Variants in RINT1 observed in about 807,000 individuals in gnomAD.
The protein encoded by RINT1 is RAD50 interactor 1.
A neutral mutation model predicts 97.7 loss-of-function variants in RINT1; 75 were observed. That is an observed-to-expected ratio of 0.77 (90% CI 0.64 to 0.93). The LOEUF (loss-of-function observed/expected upper bound fraction) is 0.93, where lower values mean the gene tolerates loss of function less well. Ranked by LOEUF, RINT1 falls within the 40% of genes least tolerant of loss-of-function variation. The probability of loss-of-function intolerance (pLI) is 0.00; values close to 1 mark genes in which losing one functional copy is unlikely to be tolerated. For missense variants in RINT1, 892 were observed against 925.2 expected (o/e 0.96, Z 0.47); for synonymous variants, 303 against 326.3 (o/e 0.93, Z 0.77).
At chr7:105,548,300 G>T (rs1446125805) in intron 6 of RINT1, among the ~76,000 whole-genome samples, 2 of 152,156 alleles carry the variant, frequency 1.3e-5, no homozygotes, top group East Asian at 3.8e-4. Context: ...CTCCCAAAGT[G>T]CTGGGATTAC....
chr7:105,548,613 C>G lies in RINT1; in HGVS notation c.899C>G (p.Pro300Arg). 1 of 1,614,160 alleles carries G rather than the reference C, an allele frequency of 6.2e-7. No individual in the cohort carries two copies. Among genetic ancestry groups the G allele is most frequent in the Non-Finnish European group, 8.5e-7 (1 of 1,179,996 alleles). The change falls in exon 7 of 15, where the codon CCT (proline) becomes CGT (arginine). Residue 300 changes from proline to arginine, a missense_variant. Physicochemically the swap from Pro to Arg is moderately radical, Grantham distance 103. Transcript: ENST00000257700. ...LPEKYSLPAS[P>R]SVILPIQVML... Reference sequence around the variant, plus strand: ...GAAAAATACTCTCTTCCTGCCTCCCCTTCTGTCATCCTGCCCATCCAGGTT... The same window carrying G: ...GAAAAATACTCTCTTCCTGCCTCCCGTTCTGTCATCCTGCCCATCCAGGTT...
chr7:105,559,540 C>CAAAAAAAAAAA (rs60718751), intron 11 of RINT1, among the ~76,000 whole-genome samples: 2 of 59,016 alleles, frequency 3.4e-5, no homozygotes, highest in African/African-American at 6.3e-5. Flanking sequence ...GACTCTGTCT[C>CAAAAAAAAAAA]AAAAAAAAAA....
chr7:105,550,692 A>G (rs1475490076), intron 9 of RINT1, among the ~76,000 whole-genome samples: 1 of 152,146 alleles, frequency 6.6e-6, no homozygotes, highest in Non-Finnish European at 1.5e-5. Context: ...ACATATTTCT[A>G]GAGTGGAATA....
At chr7:105,560,595 A>C (rs977403275) in intron 11 of RINT1, among the ~76,000 whole-genome samples, 1 of 152,200 alleles carries the variant, frequency 6.6e-6, no homozygotes, top group African/African-American at 2.4e-5. Context: ...TATCCATGAA[A>C]TCTTTGGGAG....
At chr7:105,546,387 T>C (rs1228283954) in intron 4 of RINT1, among the ~76,000 whole-genome samples, 1 of 152,042 alleles carries the variant, frequency 6.6e-6, no homozygotes, top group Non-Finnish European at 1.5e-5. Context: ...CTGCTGCTCT[T>C]AGAAGAATGC....
chr7:105,566,843 T>G (rs1057106949), intron 14 of RINT1: 1 of 207,430 alleles, frequency 4.8e-6, no homozygotes, highest in Non-Finnish European at 9.5e-6. Flanking sequence ...TATAGCTATA[T>G]TTAATATAGT....
Position 105,532,209 on chromosome 7 carries a change from C to A in RINT1, c.-107C>A. 2 of 1,246,246 alleles carry A rather than the reference C, an allele frequency of 1.6e-6. No homozygotes were observed. The highest frequency in any genetic ancestry group is 2.2e-6 in the Non-Finnish European group (2 of 904,492). 77.2% of individuals were successfully genotyped at this position (1,246,246 alleles called of 1,614,324 possible). ...ATCGAGAGGAAGTCGCTGTGGCACT[C>A]AGTCCTACGGCCTCCGAGGCTGGGT... On this transcript the variant is annotated 5_prime_UTR_variant, in exon 1 of 15. Coordinates refer to ENST00000257700, the MANE Select transcript of RINT1 (RefSeq NM_021930.6).
intron 11 of RINT1, among the ~76,000 whole-genome samples, chr7:105,560,147 G>T (rs945102626): frequency 6.6e-6 from 1 of 152,148 alleles, no homozygotes; most frequent in African/African-American, 2.4e-5. Flanking sequence ...GGCCACAGGT[G>T]GTTCCAGGCT....
At chr7:105,546,495 T>A (rs533675349) in intron 4 of RINT1, among the ~76,000 whole-genome samples, 5 of 152,346 alleles carry the variant, frequency 3.3e-5, no homozygotes, top group Middle Eastern at 3.4e-3. Flanking sequence ...TGGTGCTTCA[T>A]TCTTCCTTGG....
intron 11 of RINT1, among the ~76,000 whole-genome samples, chr7:105,559,534 C>CT (rs1486719724): frequency 1.1e-5 from 1 of 92,454 alleles, no homozygotes; most frequent in Non-Finnish European, 1.9e-5. Flanking sequence ...GAGCAAGACT[C>CT]TGTCTCAAAA....
chr7:105,548,645 A>T lies in RINT1; in HGVS notation c.931A>T (p.Thr311Ser). 6.2e-7 allele frequency: 1 copy of T among 1,613,980 alleles called. No individual in the cohort carries two copies. The highest frequency in any genetic ancestry group is 8.5e-7 in the Non-Finnish European group (1 of 1,179,970). Residue 311 changes from threonine to serine, a missense_variant, in exon 7 of 15, where the codon ACT becomes TCT. Thr to Ser is a moderately conservative substitution (Grantham distance 58). Transcript: ENST00000257700. ...SVILPIQVML[T>S]PLQKRFRYHF... ...CATCCTGCCCATCCAGGTTATGCTG[A>T]CTCCTCTTCAGAAGAGGTTCAGGTA...
chr7:105,547,238 A>G lies in RINT1; in HGVS notation c.744A>G (p.Gln248=), dbSNP rs1355408724. 9 of 1,614,034 alleles carry G rather than the reference A, an allele frequency of 5.6e-6. No homozygotes were observed. The highest frequency in any genetic ancestry group is 1.6e-4 in the Middle Eastern group (1 of 6,084). ...ATTGGCCATTCATCGCACCCCCTCA[A>G]TCACAAACTGTTGGCTTAAGTCGAC... ...QLHWPFIAPP[Q]SQTVGLSRPA... The change falls in exon 6 of 15, where the codon CAA becomes CAG. Residue 248 remains glutamine, a synonymous_variant. Transcript: ENST00000257700.
chr7:105,544,155 A>G (rs533230164), intron 4 of RINT1, among the ~76,000 whole-genome samples: 1 of 152,106 alleles, frequency 6.6e-6, no homozygotes, highest in African/African-American at 2.4e-5. Context: ...GAGGAGTTTT[A>G]CATATAAAGT....
At chr7:105,537,215 C>G (rs1790277055) in intron 3 of RINT1, among the ~76,000 whole-genome samples, 1 of 150,218 alleles carries the variant, frequency 6.7e-6, no homozygotes, top group Non-Finnish European at 1.5e-5. Context: ...ACTGCAACCT[C>G]TGCCTCCCAG....
At chr7:105,532,795 TG>T (rs1562837023) in intron 1 of RINT1, 28 bp from the exon 2 acceptor site, 1 of 1,613,352 alleles carries the variant, frequency 6.2e-7, no homozygotes, top group South Asian at 1.1e-5. Flanking sequence ...TTAATCTTAA[TG>T]TGCTTGTCAC....
chr7:105,565,000 A>C (rs1179115960), intron 12 of RINT1: 2 of 279,728 alleles, frequency 7.1e-6, no homozygotes, highest in Non-Finnish European at 1.3e-5. Flanking sequence ...AAATGCAAAA[A>C]TTAAGTGACA....
intron 11 of RINT1, among the ~76,000 whole-genome samples, chr7:105,557,368 T>C (rs1483679043): frequency 2.6e-5 from 4 of 152,164 alleles, no homozygotes; most frequent in Admixed American, 2.6e-4. Flanking sequence ...TTCCATAGTA[T>C]AACAGGGAAA....
rs1220621637 is a variant in RINT1 at position 105,542,403 on chromosome 7, G to T, written c.274-5G>T. 6.3e-7 allele frequency: 1 copy of T among 1,582,636 alleles called. No individual in the cohort carries two copies. Among genetic ancestry groups the T allele is most frequent in the East Asian group, 2.2e-5 (1 of 44,676 alleles). ...TCTTTCTTTCTTTTTTAAAATTATG[G>T]TCAGGTACTTACAATTTCATCAGAA... On this transcript the variant is annotated splice_polypyrimidine_tract_variant and splice_region_variant and intron_variant, in intron 3 of 14. Transcript: ENST00000257700.
At chr7:105,535,610 T>TA (rs1790200734) in intron 2 of RINT1, 1 of 454,250 alleles carries the variant, frequency 2.2e-6, no homozygotes, top group Non-Finnish European at 4.4e-6. Flanking sequence ...TGGAATGTAG[T>TA]AGTGAGATCA....
Sources: allele counts gnomAD v4.1 joint callset (sites outside exome capture counted in the v4.1 genomes callset), GRCh38; gene constraint gnomAD v4.1.1; transcripts MANE v1.5; gene names NCBI Gene and HGNC (gene_info 2026-07-23, HGNC 2026-07-21).